PDXDC1: variants seen among roughly 807,000 people sequenced by gnomAD.
The protein encoded by PDXDC1 is pyridoxal-dependent decarboxylase domain-containing protein 1.
A neutral mutation model predicts 100.1 loss-of-function variants in PDXDC1; 42 were observed. That is an observed-to-expected ratio of 0.42 (90% CI 0.33 to 0.54). PDXDC1 has a LOEUF of 0.54. Ranked by LOEUF, PDXDC1 falls within the 20% of genes least tolerant of loss-of-function variation. The pLI is 0.10. For missense variants in PDXDC1, 636 were observed against 979.2 expected (o/e 0.65, Z 4.68); for synonymous variants, 260 against 371.7 (o/e 0.70, Z 3.46).
chr16:15,127,394 A>G (rs915009260), intron 16 of PDXDC1: 16 of 1,190,486 alleles, frequency 1.3e-5, no homozygotes, highest in South Asian at 2.6e-5. Flanking sequence ...GCAGCACTGG[A>G]AAGTGGCGGC....
chr16:15,126,961 T>A, intron 16 of PDXDC1: 1 of 277,894 alleles, frequency 3.6e-6, no homozygotes, highest in East Asian at 9.6e-5. Flanking sequence ...CCTGGTCCTT[T>A]TTAATGTTTT....
intron 1 of PDXDC1, among the ~76,000 whole-genome samples, chr16:14,996,866 G>T (rs1170924428): frequency 5.9e-5 from 9 of 152,302 alleles, no homozygotes; most frequent in Non-Finnish European, 1.0e-4. Flanking sequence ...AATAATATTT[G>T]TCAAAATAGC....
Position 15,038,128 on chromosome 16 carries a change from G to A in PDXDC1, c.*1853G>A, listed in dbSNP as rs368972292. ...AGAAAACAGTGTGTGAGCTGGAGAT[G>A]GGTGTTTTTTTAAAAACATCAAGGT... On this transcript the variant is annotated 3_prime_UTR_variant, in exon 23 of 23. Transcript: ENST00000396410. 20 of 1,610,838 alleles carry A rather than the reference G, an allele frequency of 1.2e-5. No individual in the cohort carries two copies. Among genetic ancestry groups the A allele is most frequent in the African/African-American group, 6.7e-5 (5 of 74,834 alleles).
intron 16 of PDXDC1, among the ~76,000 whole-genome samples, chr16:15,046,980 C>T (rs1034218259): frequency 6.6e-6 from 1 of 152,182 alleles, no homozygotes; most frequent in African/African-American, 2.4e-5. Flanking sequence ...CCACCCAACA[C>T]CCCATCTTGT....
chr16:15,004,154 G>C (rs767727071), intron 4 of PDXDC1, 33 bp from the exon 5 acceptor site: 1 of 1,592,490 alleles, frequency 6.3e-7, no homozygotes, highest in South Asian at 1.1e-5. Flanking sequence ...CTTTTTTATG[G>C]TTTGACTCTA....
intron 16 of PDXDC1, among the ~76,000 whole-genome samples, chr16:15,068,548 T>A (rs1470464018): frequency 6.6e-6 from 1 of 152,144 alleles, no homozygotes; most frequent in Non-Finnish European, 1.5e-5. Flanking sequence ...CAATGTGAAA[T>A]TCATATGTTT....
chr16:15,007,873 C>T (rs1401483635), intron 6 of PDXDC1, among the ~76,000 whole-genome samples: 1 of 152,282 alleles, frequency 6.6e-6, no homozygotes, highest in African/African-American at 2.4e-5. Flanking sequence ...TGGCAGCTGG[C>T]AGAGCAGCAT....
At chr16:15,068,040 T>C (rs1236805731) in intron 16 of PDXDC1, 5 of 800,246 alleles carry the variant, frequency 6.2e-6, no homozygotes, top group East Asian at 2.7e-5. Context: ...AGATTACAGG[T>C]GTCAGCCACC....
intron 16 of PDXDC1, among the ~76,000 whole-genome samples, chr16:15,088,075 C>A (rs1426565270): frequency 6.6e-6 from 1 of 151,960 alleles, no homozygotes; most frequent in Non-Finnish European, 1.5e-5. Context: ...AAGATCATGC[C>A]ACTGCACTCC....
intron 1 of PDXDC1, chr16:14,976,961 C>T (rs1325671900): frequency 2.6e-5 from 4 of 152,284 alleles, no homozygotes; most frequent in African/African-American, 9.6e-5. Flanking sequence ...GTGATCTTTC[C>T]TCCAGGAATA....
intron 1 of PDXDC1, among the ~76,000 whole-genome samples, chr16:14,991,900 A>G (rs1250044425): frequency 6.6e-6 from 1 of 152,284 alleles, no homozygotes; most frequent in African/African-American, 2.4e-5. Flanking sequence ...AGAGAACAGT[A>G]TGTTGATATC....
chr16:15,019,068 T>C lies in PDXDC1; in HGVS notation c.1089+103T>C, dbSNP rs904973545. The C allele has an allele frequency of 3.2e-6, 5 of 1,553,230 alleles. No homozygotes were observed. In the Admixed American group the frequency reaches 9.6e-5, roughly 30 times the overall value. ...TCCATCCAGAGTGGTGTTGTCTGGA[T>C]TGACTGTCTCGTGAGCCAGAGACTA... On this transcript the variant is annotated intron_variant, in intron 12 of 22. Coordinates refer to ENST00000396410, the MANE Select transcript of PDXDC1 (RefSeq NM_015027.4).
chr16:15,131,421 C>A lies in PDXDC1; in HGVS notation c.1400-7458C>A, dbSNP rs1299962826. ...GCTGCACCACGTCACTGAGGTTAGC[C>A]GGGGCCCTGCTGAAAGCCTAGGGGA... On this transcript the variant is annotated intron_variant, in intron 16 of 16. Transcript: ENST00000535621. 15 of 1,608,202 alleles carry A rather than the reference C, an allele frequency of 9.3e-6. No homozygotes were observed. In the South Asian group the frequency reaches 1.4e-4, roughly 15 times the overall value.
chr16:15,131,449 G>T, intron 16 of PDXDC1: 1 of 1,608,554 alleles, frequency 6.2e-7, no homozygotes. Flanking sequence ...CTAGGGGATG[G>T]AGAAGTGGCA....
At chr16:15,062,698 G>T (rs1386358087) in intron 16 of PDXDC1, among the ~76,000 whole-genome samples, 1 of 152,190 alleles carries the variant, frequency 6.6e-6, no homozygotes, top group Non-Finnish European at 1.5e-5. Flanking sequence ...AAGTGGCAAA[G>T]ATCTAAATTC....
intron 1 of PDXDC1, among the ~76,000 whole-genome samples, chr16:14,987,195 C>T (rs1969568245): frequency 1.3e-5 from 2 of 152,272 alleles, no homozygotes; most frequent in South Asian, 2.1e-4. Context: ...CACTTTCTTC[C>T]CAGGTGAAAA....
chr16:15,094,828 T>A (rs966141286), intron 16 of PDXDC1: 1 of 152,212 alleles, frequency 6.6e-6, no homozygotes, highest in Non-Finnish European at 1.5e-5. Context: ...CCCCCTTGAC[T>A]TTATTTATTT....
rs559475810 is a variant in PDXDC1 at position 15,037,751 on chromosome 16, G to A, written c.*1476G>A. ...TACCCACGTACCTGAAATAGCTGCC[G>A]ATAGACCAGTGAGAGGTAGGTTCTC... On this transcript the variant is annotated 3_prime_UTR_variant, in exon 23 of 23. Transcript: ENST00000396410. 55 of 305,000 alleles carry A rather than the reference G, an allele frequency of 1.8e-4. No homozygotes were observed. Among genetic ancestry groups the A allele is most frequent in the Middle Eastern group, 9.2e-4 (1 of 1,088 alleles). The allele number at this position is 305,000 out of a possible 1,614,324, so 18.9% of individuals were successfully genotyped here. A position where few individuals can be genotyped will look rare whatever the true frequency, so the allele number is the denominator to read the frequency against.
intron 1 of PDXDC1, among the ~76,000 whole-genome samples, chr16:14,986,962 GT>G (rs1260406051): frequency 6.6e-6 from 1 of 152,290 alleles, no homozygotes; most frequent in Non-Finnish European, 1.5e-5. Context: ...GGCCAGGCTG[GT>G]CTCAAACTCT....
Sources: allele counts gnomAD v4.1 joint callset (sites outside exome capture counted in the v4.1 genomes callset), GRCh38; gene constraint gnomAD v4.1.1; transcripts MANE v1.5; gene names NCBI Gene and HGNC (gene_info 2026-07-23, HGNC 2026-07-21).